The following CDKAL1 variants were observed in gnomAD, a reference collection of about 807,000 sequenced individuals.
CDKAL1 encodes CDKAL1 threonylcarbamoyladenosine tRNA methylthiotransferase, also known as threonylcarbamoyladenosine tRNA methylthiotransferase.
Under a neutral mutation model 68.2 loss-of-function variants are expected in CDKAL1, and 32 were observed. The observed-to-expected ratio is 0.47, with a 90% CI of 0.35 to 0.63. The LOEUF (loss-of-function observed/expected upper bound fraction) is 0.63, where lower values mean the gene tolerates loss of function less well. Among genes scored for constraint, CDKAL1 ranks in the 30% least tolerant of loss-of-function variants. The pLI is 0.00. For missense variants in CDKAL1, 606 were observed against 696.7 expected (o/e 0.87, Z 1.47); for synonymous variants, 234 against 244.3 (o/e 0.96, Z 0.39).
chr6:20,645,501 G>T (rs1411362889), intron 4 of CDKAL1, among the ~76,000 whole-genome samples: 2 of 152,044 alleles, frequency 1.3e-5, no homozygotes, highest in Admixed American at 6.5e-5. Flanking sequence ...GGAGGCCGAG[G>T]CAGGTAGATC....
intron 10 of CDKAL1, among the ~76,000 whole-genome samples, chr6:20,995,426 A>G (rs1767051595): frequency 6.6e-6 from 1 of 152,190 alleles, no homozygotes; most frequent in African/African-American, 2.4e-5. Context: ...AATGAACTTG[A>G]AAGTTGAAAT....
intron 11 of CDKAL1, among the ~76,000 whole-genome samples, chr6:21,024,657 A>T (rs1358593069): frequency 1.3e-5 from 2 of 152,162 alleles, no homozygotes; most frequent in Non-Finnish European, 2.9e-5. Flanking sequence ...AAAAAAGAAA[A>T]TATTATCAGT....
intron 13 of CDKAL1, among the ~76,000 whole-genome samples, chr6:21,131,488 A>G (rs554580561): frequency 4.6e-5 from 7 of 152,316 alleles, no homozygotes; most frequent in African/African-American, 1.7e-4. Context: ...CTACTTTTAT[A>G]TCATGTGGTG....
At chr6:21,149,880 T>C (rs1462296036) in intron 13 of CDKAL1, among the ~76,000 whole-genome samples, 1 of 152,092 alleles carries the variant, frequency 6.6e-6, no homozygotes, top group Non-Finnish European at 1.5e-5. Context: ...TATTTTGAGA[T>C]AGAGTCTTGC....
At chr6:21,120,353 C>T (rs1319395734) in intron 13 of CDKAL1, among the ~76,000 whole-genome samples, 1 of 152,174 alleles carries the variant, frequency 6.6e-6, no homozygotes, top group Non-Finnish European at 1.5e-5. Context: ...GGGCTAAAAT[C>T]CAGTCTTTTA....
chr6:21,158,750 A>G (rs1399318779), intron 13 of CDKAL1, among the ~76,000 whole-genome samples: 1 of 152,236 alleles, frequency 6.6e-6, no homozygotes, highest in African/African-American at 2.4e-5. Flanking sequence ...ACTGACAAAT[A>G]TGTATTCTGT....
intron 13 of CDKAL1, among the ~76,000 whole-genome samples, chr6:21,132,232 GC>G (rs1256754393): frequency 2.0e-5 from 3 of 152,064 alleles, no homozygotes; most frequent in Admixed American, 6.6e-5. Context: ...AGAAGAAAAA[GC>G]TTGAATATCC....
chr6:20,893,177 C>T lies in CDKAL1; in HGVS notation c.742+46999C>T, dbSNP rs530435931. 3.9e-5 allele frequency among the ~76,000 whole-genome samples: 6 copies of T among 152,260 alleles called. No homozygotes were observed. In the South Asian group the frequency reaches 6.2e-4, roughly 16 times the overall value. On this transcript the variant is annotated intron_variant, in intron 9 of 15. Coordinates refer to ENST00000274695, the MANE Select transcript of CDKAL1 (RefSeq NM_017774.3). ...TTTTGACTTGGCATCACAAAAGAAG[C>T]GCATTAGAACATCTTAATAATGTAC...
At chr6:21,190,364 G>GTTT (rs1308254985) in intron 13 of CDKAL1, among the ~76,000 whole-genome samples, 1 of 150,948 alleles carries the variant, frequency 6.6e-6, no homozygotes, top group Admixed American at 6.6e-5. Context: ...TATGTGTGGG[G>GTTT]TTTTTTTTGT....
intron 12 of CDKAL1, among the ~76,000 whole-genome samples, chr6:21,079,777 C>G (rs186090583): frequency 1.3e-5 from 2 of 152,328 alleles, no homozygotes; most frequent in Admixed American, 1.3e-4. Flanking sequence ...CCAACCTCTT[C>G]TACTCTGAAG....
chr6:21,010,067 G>A (rs1561958522), intron 11 of CDKAL1, among the ~76,000 whole-genome samples: 2 of 152,056 alleles, frequency 1.3e-5, no homozygotes, highest in African/African-American at 2.4e-5. Context: ...TGATCATTAC[G>A]CATTGTGTGC....
At chr6:21,160,308 T>C (rs746136097) in intron 13 of CDKAL1, among the ~76,000 whole-genome samples, 21 of 151,836 alleles carry the variant, frequency 1.4e-4, no homozygotes, top group Non-Finnish European at 2.7e-4. Flanking sequence ...TCTTTTTTTC[T>C]TTTTTTTGAG....
intron 8 of CDKAL1, among the ~76,000 whole-genome samples, chr6:20,791,974 C>T (rs1447066317): frequency 1.4e-5 from 2 of 147,890 alleles, no homozygotes; most frequent in Admixed American, 1.4e-4. Context: ...CCAGCCCTAT[C>T]AAGAGAGAGA....
At chr6:21,186,693 A>G (rs1225787534) in intron 13 of CDKAL1, among the ~76,000 whole-genome samples, 1 of 152,222 alleles carries the variant, frequency 6.6e-6, no homozygotes, top group South Asian at 2.1e-4. Flanking sequence ...AGACATGTGT[A>G]TACATTCCTT....
chr6:20,622,617 AT>A, intron 4 of CDKAL1, among the ~76,000 whole-genome samples: 1 of 152,092 alleles, frequency 6.6e-6, no homozygotes, highest in East Asian at 1.9e-4. Context: ...TTCTTTGCTT[AT>A]TTTATTTCTT....
At chr6:20,900,545 G>T (rs941483273) in intron 9 of CDKAL1, among the ~76,000 whole-genome samples, 1 of 152,206 alleles carries the variant, frequency 6.6e-6, no homozygotes, top group African/African-American at 2.4e-5. Flanking sequence ...AGAGAAAAAG[G>T]CTGCTGTTAA....
At chr6:20,751,172 A>G (rs147607905) in intron 6 of CDKAL1, among the ~76,000 whole-genome samples, 1,725 of 152,252 alleles carry the variant, frequency 0.011, 31 homozygotes, top group Admixed American at 0.048. Context: ...CTTCAAGTGC[A>G]TACTAAAACA....
chr6:21,191,992 CTTTTTTTTTTTTTTTTTTTTTTTTTTT>C (rs145894251), intron 13 of CDKAL1, among the ~76,000 whole-genome samples: 4 of 34,516 alleles, frequency 1.2e-4, no homozygotes, highest in Admixed American at 4.0e-4. Flanking sequence ...ATTCATTTTT[CTTTTTTTTTTTTTTTTTTTTTTTTTTT>C]TTTTTTTTTT....
chr6:20,967,402 A>G (rs779106355), intron 10 of CDKAL1, among the ~76,000 whole-genome samples: 12 of 152,156 alleles, frequency 7.9e-5, no homozygotes, highest in Non-Finnish European at 1.6e-4. Flanking sequence ...TCATTTTTAT[A>G]GTGGTTACCA....
Sources: allele counts gnomAD v4.1 joint callset (sites outside exome capture counted in the v4.1 genomes callset), GRCh38; gene constraint gnomAD v4.1.1; transcripts MANE v1.5; gene names NCBI Gene and HGNC (gene_info 2026-07-23, HGNC 2026-07-21).